The following FSTL4 variants were observed in gnomAD, a reference collection of about 807,000 sequenced individuals.
FSTL4 encodes follistatin-related protein 4.
In FSTL4, 28 loss-of-function variants were observed where a neutral mutation model predicts 78.2. That is an observed-to-expected ratio of 0.36 (90% CI 0.27 to 0.49). FSTL4 has a LOEUF of 0.49. FSTL4 is among the 20% of genes least tolerant of loss of function. The probability of loss-of-function intolerance (pLI) is 0.98; values close to 1 mark genes in which losing one functional copy is unlikely to be tolerated. For synonymous variants in FSTL4, 422 were observed against 440.5 expected (o/e 0.96, Z 0.53); for missense variants, 922 against 1,084.9 (o/e 0.85, Z 2.11).
At chr5:133,629,860 G>A in the FSTL4 span, among the ~76,000 whole-genome samples, 286 of 152,304 alleles carry the variant, frequency 1.9e-3, 2 homozygotes, top group African/African-American at 6.1e-3. Flanking sequence ...ATCAATAAAT[G>A]TAATCCATCA....
chr5:133,435,473 C>T (rs1001223591), intron 3 of FSTL4, among the ~76,000 whole-genome samples: 4 of 152,270 alleles, frequency 2.6e-5, no homozygotes, highest in East Asian at 1.9e-4. Context: ...TTATTAATGT[C>T]GTGTAAGAGC....
intron 4 of FSTL4, among the ~76,000 whole-genome samples, chr5:133,358,483 C>G (rs529253905): frequency 2.0e-5 from 3 of 152,212 alleles, no homozygotes; most frequent in Admixed American, 2.0e-4. Flanking sequence ...GGCGAGGGGG[C>G]CTGGGCTGGC....
At chr5:133,826,722 C>T in the FSTL4 span, among the ~76,000 whole-genome samples, 5 of 152,198 alleles carry the variant, frequency 3.3e-5, no homozygotes, top group African/African-American at 1.2e-4. Context: ...CAAATAAAGT[C>T]ACACACACTG....
intron 14 of FSTL4, among the ~76,000 whole-genome samples, chr5:133,203,605 C>T (rs1247010986): frequency 6.6e-6 from 1 of 152,064 alleles, no homozygotes; most frequent in Non-Finnish European, 1.5e-5. Flanking sequence ...ATGATTACTT[C>T]TATGGTAAGC....
the FSTL4 span, among the ~76,000 whole-genome samples, chr5:133,688,069 C>A: frequency 1.3e-5 from 2 of 152,298 alleles, no homozygotes; most frequent in South Asian, 4.1e-4. Context: ...AGTTAACTGG[C>A]TAAACCTAGC....
At chr5:133,277,251 T>C (rs1340481015) in intron 6 of FSTL4, among the ~76,000 whole-genome samples, 1 of 151,772 alleles carries the variant, frequency 6.6e-6, no homozygotes, top group Non-Finnish European at 1.5e-5. Flanking sequence ...AGGCAGAGGC[T>C]GCAGTGAGCC....
chr5:133,817,233 C>T, the FSTL4 span, among the ~76,000 whole-genome samples: 1 of 152,342 alleles, frequency 6.6e-6, no homozygotes, highest in African/African-American at 2.4e-5. Flanking sequence ...AACACAGAGG[C>T]TCAGGTCACA....
At chr5:133,530,344 A>G (rs1169919463) in intron 3 of FSTL4, among the ~76,000 whole-genome samples, 3 of 152,202 alleles carry the variant, frequency 2.0e-5, no homozygotes, top group Non-Finnish European at 2.9e-5. Flanking sequence ...TCAAGGTTAC[A>G]GCAGGTTAAA....
At chr5:133,581,975 G>A (rs1760421919) in intron 2 of FSTL4, among the ~76,000 whole-genome samples, 1 of 152,240 alleles carries the variant, frequency 6.6e-6, no homozygotes, top group Non-Finnish European at 1.5e-5. Context: ...AGGGTGCCCT[G>A]TTACTCCCAC....
the FSTL4 span, among the ~76,000 whole-genome samples, chr5:133,728,015 G>A: frequency 6.6e-6 from 1 of 152,184 alleles, no homozygotes; most frequent in Non-Finnish European, 1.5e-5. Flanking sequence ...AGAGAAGGGT[G>A]AGGTGAAAAG....
chr5:133,437,497 T>TTG (rs1757060727), intron 3 of FSTL4, among the ~76,000 whole-genome samples: 1 of 146,362 alleles, frequency 6.8e-6, no homozygotes, highest in Non-Finnish European at 1.5e-5. Context: ...TTTTTTTTTT[T>TTG]TTTTTTTTTT....
chr5:133,199,365 C>G lies in FSTL4; in HGVS notation c.2259G>C (p.Ala753=). 1 of 1,614,128 alleles carries G rather than the reference C, an allele frequency of 6.2e-7. No individual in the cohort carries two copies. The highest frequency in any genetic ancestry group is 1.1e-5 in the South Asian group (1 of 91,080). Residue 753 remains alanine (A), a synonymous_variant, in exon 16 of 16, where the codon GCG becomes GCC. Transcript: ENST00000265342. The surrounding 1 kb of genome is among the most constrained non-coding windows in gnomAD (Gnocchi z 4.4). ...GCAGGTCCGGCTCCGTGTGCAGAGC[C>G]GCGTAGATGTTGTATTGATTGCTTT... is the stretch of plus-strand genomic sequence containing the variant. ...FTESNQYNIY[A]ALHTEPDLLF...
the FSTL4 span, among the ~76,000 whole-genome samples, chr5:133,799,981 G>T: frequency 1.4e-5 from 2 of 139,126 alleles, 1 homozygote; most frequent in Non-Finnish European, 3.2e-5. Flanking sequence ...ATACATCCCT[G>T]CCTGCTGGAG....
the FSTL4 span, among the ~76,000 whole-genome samples, chr5:133,675,044 G>A: frequency 1.3e-5 from 2 of 152,092 alleles, no homozygotes; most frequent in South Asian, 2.1e-4. Context: ...AAATCAGGTC[G>A]TGATTTGTTC....
At chr5:133,249,985 T>G (rs1279019213) in intron 6 of FSTL4, among the ~76,000 whole-genome samples, 1 of 152,236 alleles carries the variant, frequency 6.6e-6, no homozygotes, top group Non-Finnish European at 1.5e-5. Context: ...AGACAAGGTC[T>G]GCTGAGTGAG....
chr5:133,377,621 CA>C (rs760664947), intron 4 of FSTL4, among the ~76,000 whole-genome samples: 1,371 of 137,078 alleles, frequency 0.01, 16 homozygotes, highest in African/African-American at 0.03. Flanking sequence ...GAAAATGAAC[CA>C]AAAAAAAAAA....
rs1433939863 is a variant in FSTL4 at position 133,315,999 on chromosome 5, TG to T, written c.603+459del. Among the ~76,000 whole-genome samples, 32 of 151,992 alleles carry T rather than the reference TG, an allele frequency of 2.1e-4. 1 individual carries two copies. Among genetic ancestry groups the T allele is most frequent in the Admixed American group, 2.0e-4 (3 of 15,264 alleles). On this transcript the variant is annotated intron_variant, in intron 5 of 15. Transcript: ENST00000265342. ...TTTCCCAAATGAGAGCAGGGCTTGGTGGGGGTTGACGGGTAGACACAGGGCT... is the reference window on the plus strand; with the variant it reads ...TTTCCCAAATGAGAGCAGGGCTTGGTGGGGTTGACGGGTAGACACAGGGCT...
intron 14 of FSTL4, among the ~76,000 whole-genome samples, chr5:133,206,219 C>G (rs1265446833): frequency 6.6e-6 from 1 of 152,064 alleles, no homozygotes; most frequent in Non-Finnish European, 1.5e-5. Context: ...GTAGATTTTT[C>G]TTTAAAAAAT....
chr5:133,207,637 T>C (rs1423402766), intron 14 of FSTL4, among the ~76,000 whole-genome samples: 3 of 152,198 alleles, frequency 2.0e-5, no homozygotes. Context: ...CCTTTCTGCA[T>C]ACTCCCTACT....
Sources: allele counts gnomAD v4.1 joint callset (sites outside exome capture counted in the v4.1 genomes callset), GRCh38; gene constraint gnomAD v4.1.1; non-coding constraint Gnocchi (gnomAD v3.1); transcripts MANE v1.5; gene names NCBI Gene and HGNC (gene_info 2026-07-23, HGNC 2026-07-21).